Variants in ARSG observed in about 807,000 individuals in gnomAD.
ARSG encodes ASG.
ARSG carries 37 observed loss-of-function variants against 50.5 expected under a neutral mutation model. The observed-to-expected ratio is 0.73, with a 90% CI of 0.56 to 0.96. ARSG has a LOEUF of 0.96. ARSG is among the 50% of genes least tolerant of loss of function. The probability of loss-of-function intolerance (pLI) is 0.00; values close to 1 mark genes in which losing one functional copy is unlikely to be tolerated. For synonymous variants in ARSG, 225 were observed against 254.6 expected (o/e 0.88, Z 1.11); for missense variants, 629 against 675.3 (o/e 0.93, Z 0.76).
rs1358262819 is a variant in ARSG, at chr17:68,281,529, C to T, written c.-552+22103C>T. ...GGTGGAGGTTGCAGTGAGCCGAGAT[C>T]GTGCCACTGTACTCCAGCCTGGTGA... On this transcript the variant is annotated intron_variant, in intron 1 of 11. Transcript: ENST00000448504. 2.0e-5 allele frequency among the ~76,000 whole-genome samples: 3 copies of T among 152,084 alleles called. 1 individual carries two copies. Among genetic ancestry groups the T allele is most frequent in the Admixed American group, 6.6e-5 (1 of 15,254 alleles).
chr17:68,313,529 C>G (rs150816554), intron 2 of ARSG, among the ~76,000 whole-genome samples: 1 of 152,160 alleles, frequency 6.6e-6, no homozygotes, highest in Non-Finnish European at 1.5e-5. Flanking sequence ...TGAAGGCCCA[C>G]CCTACTCCAG....
intron 6 of ARSG, among the ~76,000 whole-genome samples, chr17:68,357,864 CTGGCTT>C (rs1425674214): frequency 1.6e-4 from 25 of 152,214 alleles, no homozygotes; most frequent in African/African-American, 5.8e-4. Flanking sequence ...GATAGGATAC[CTGGCTT>C]TTATGTGAAA....
chr17:68,379,846 G>A, intron 8 of ARSG: 1 of 985,400 alleles, frequency 1.0e-6, no homozygotes, highest in Non-Finnish European at 1.2e-6. Flanking sequence ...CTCCCTACAG[G>A]TAATTTGGTT....
At position 68,356,689 on chromosome 17, in the gene ARSG, A is replaced by G; in HGVS notation, c.589A>G (p.Thr197Ala). 6.2e-7 allele frequency: 1 copy of G among 1,614,238 alleles called. No individual in the cohort carries two copies. Among genetic ancestry groups the G allele is most frequent in the Non-Finnish European group, 8.5e-7 (1 of 1,180,028 alleles). The change falls in exon 6 of 12, where the codon ACT (threonine) becomes GCT (alanine). Residue 197 changes from threonine to alanine, a missense_variant. Transcript: ENST00000621439. ...CAGGAACCTTCAAAGAGACTGTTACACTGACGTGGCCCTCCCTCTTTATGA... is the reference window on the plus strand; with the variant it reads ...CAGGAACCTTCAAAGAGACTGTTACGCTGACGTGGCCCTCCCTCTTTATGA... ...PSRNLQRDCY[T>A]DVALPLYENL...
intron 11 of ARSG, among the ~76,000 whole-genome samples, chr17:68,409,598 G>C (rs995039629): frequency 3.3e-5 from 5 of 151,672 alleles, no homozygotes; most frequent in African/African-American, 1.2e-4. Context: ...TTGACTTGGC[G>C]ATGCGGGCTC....
At chr17:68,385,011 G>T in intron 8 of ARSG, 53 bp from the exon 9 acceptor site, 1 of 1,454,816 alleles carries the variant, frequency 6.9e-7, no homozygotes, top group Non-Finnish European at 9.6e-7. Flanking sequence ...TAGCTGAAAA[G>T]AAGTCTCGAG....
At chr17:68,428,714 C>A in the ARSG span, 1 of 778,046 alleles carries the variant, frequency 1.3e-6, no homozygotes, top group Admixed American at 2.2e-5. Context: ...GCCACTGAGA[C>A]TGCCAGTGAA....
Position 68,356,663 on chromosome 17 carries a change from A to G in ARSG, c.567-4A>G. ...ATACTCTATGGTCTGTGGTTTCCAC[A>G]CAGGAACCTTCAAAGAGACTGTTAC... On this transcript the variant is annotated splice_region_variant and splice_polypyrimidine_tract_variant and intron_variant, in intron 5 of 11. Coordinates refer to ENST00000621439, the MANE Select transcript of ARSG (RefSeq NM_001267727.2). The G allele has an allele frequency of 3.1e-6, 5 of 1,614,218 alleles. No homozygotes were observed. Among genetic ancestry groups the G allele is most frequent in the South Asian group, 1.1e-5 (1 of 91,088 alleles).
intron 8 of ARSG, among the ~76,000 whole-genome samples, chr17:68,372,608 C>T (rs375256821): frequency 1.8e-4 from 27 of 152,246 alleles, no homozygotes; most frequent in South Asian, 1.5e-3. Context: ...AGGGAAAATC[C>T]GCTCTCATGA....
chr17:68,371,947 G>A (rs1293188655), intron 8 of ARSG, among the ~76,000 whole-genome samples: 1 of 152,136 alleles, frequency 6.6e-6, no homozygotes, highest in East Asian at 1.9e-4. Context: ...AAAAAATCTT[G>A]AAAGAGTCAA....
chr17:68,420,623 C>G lies in ARSG; in HGVS notation c.*160C>G. ...ATCCCTTCTGTATCCTGTCCCTCCTCCACGCCGACCCGAGAGCAGCTGAGC... is the reference window on the plus strand; with the variant it reads ...ATCCCTTCTGTATCCTGTCCCTCCTGCACGCCGACCCGAGAGCAGCTGAGC... On this transcript the variant is annotated 3_prime_UTR_variant, in exon 12 of 12. Coordinates refer to ENST00000621439, the MANE Select transcript of ARSG (RefSeq NM_001267727.2). The G allele has an allele frequency of 6.0e-6, 5 of 827,248 alleles. No individual in the cohort carries two copies. The highest frequency in any genetic ancestry group is 9.3e-6 in the Non-Finnish European group (5 of 535,586). 51.2% of individuals were successfully genotyped at this position (827,248 alleles called of 1,614,324 possible).
At chr17:68,417,300 C>T (rs1009935550) in intron 11 of ARSG, among the ~76,000 whole-genome samples, 1 of 152,134 alleles carries the variant, frequency 6.6e-6, no homozygotes, top group African/African-American at 2.4e-5. Flanking sequence ...TTAGTTTCTC[C>T]TGAGGGCAGG....
At chr17:68,451,821 AAGTT>A in the ARSG span, among the ~76,000 whole-genome samples, 1 of 152,204 alleles carries the variant, frequency 6.6e-6, no homozygotes, top group Non-Finnish European at 1.5e-5. Context: ...ACTCAGGAAG[AAGTT>A]AGTTAATGAC....
intron 11 of ARSG, among the ~76,000 whole-genome samples, chr17:68,408,241 A>G (rs1333498745): frequency 6.6e-6 from 1 of 150,950 alleles, no homozygotes; most frequent in Non-Finnish European, 1.5e-5. Context: ...GTCATCTAGC[A>G]TTAGGCATAT....
rs76836546 is a variant in ARSG at position 68,397,392 on chromosome 17, T to C, written c.1212+2199T>C. On this transcript the variant is annotated intron_variant, in intron 10 of 11. Transcript: ENST00000621439. ...GTTAAGAGCACACGGGGCTGGCACC[T>C]GTGGGTCACACTCAGTCTCCCAGAG... is the stretch of plus-strand genomic sequence containing the variant. Among the ~76,000 whole-genome samples, 230 of 152,306 alleles carry C rather than the reference T, an allele frequency of 1.5e-3. 1 individual carries two copies. The highest frequency in any genetic ancestry group is 2.6e-3 in the Non-Finnish European group (176 of 68,026).
intron 6 of ARSG, among the ~76,000 whole-genome samples, chr17:68,358,890 G>A (rs970716089): frequency 2.6e-5 from 4 of 152,000 alleles, no homozygotes; most frequent in South Asian, 2.1e-4. Context: ...CCGGCTGGGC[G>A]TGGTGGCTCA....
chr17:68,374,229 C>T (rs969951083), intron 8 of ARSG, among the ~76,000 whole-genome samples: 1 of 151,612 alleles, frequency 6.6e-6, no homozygotes, highest in Non-Finnish European at 1.5e-5. Context: ...GTTGCATTAG[C>T]TGATTACAAT....
intron 4 of ARSG, among the ~76,000 whole-genome samples, chr17:68,350,780 G>A (rs572862447): frequency 4.5e-4 from 64 of 143,162 alleles, no homozygotes; most frequent in African/African-American, 1.2e-3. Flanking sequence ...GCGAGACTCC[G>A]TCTCAAAAAA....
intron 2 of ARSG, among the ~76,000 whole-genome samples, chr17:68,333,695 A>G (rs181681401): frequency 3.3e-5 from 5 of 151,650 alleles, no homozygotes; most frequent in African/African-American, 1.2e-4. Flanking sequence ...AAGAGTTGTT[A>G]TAAGGAATGT....
Sources: allele counts gnomAD v4.1 joint callset (sites outside exome capture counted in the v4.1 genomes callset), GRCh38; gene constraint gnomAD v4.1.1; transcripts MANE v1.5; gene names NCBI Gene and HGNC (gene_info 2026-07-23, HGNC 2026-07-21).